Variants in UBE2W observed in about 807,000 individuals in gnomAD.
UBE2W encodes ubiquitin-conjugating enzyme E2 W.
Under a neutral mutation model 27.2 loss-of-function variants are expected in UBE2W, and 18 were observed. That is an observed-to-expected ratio of 0.66 (90% CI 0.46 to 0.98). The LOEUF is 0.98. UBE2W is among the 50% of genes least tolerant of loss of function. The pLI is 0.00. For synonymous variants in UBE2W, 53 were observed against 57.2 expected (o/e 0.93, Z 0.33); for missense variants, 90 against 180.2 (o/e 0.50, Z 2.87).
chr8:73,831,121 A>G, intron 1 of UBE2W: 1 of 364,578 alleles, frequency 2.7e-6, no homozygotes, highest in East Asian at 8.1e-5. Context: ...TAAACCAGTA[A>G]ATACATCTAT....
At chr8:73,866,286 AAAAAATATATATATAT>A (rs1323028306) in intron 1 of UBE2W, among the ~76,000 whole-genome samples, 1 of 89,770 alleles carries the variant, frequency 1.1e-5, no homozygotes, top group Non-Finnish European at 2.3e-5. Flanking sequence ...AAAAAAAAAA[AAAAAATATATATATAT>A]ATATATATAT....
Position 73,793,076 on chromosome 8 carries a change from A to G in UBE2W, c.*1026T>C, listed in dbSNP as rs531880340. On this transcript the variant is annotated 3_prime_UTR_variant, in exon 6 of 6. Coordinates refer to ENST00000602593, the MANE Select transcript of UBE2W (RefSeq NM_018299.6). ...GAAAAAACTTAACAAAAGTTTCAAT[A>G]AAAGTATTGTAACATTCAAACTTGA... is the stretch of plus-strand genomic sequence containing the variant. 274 of 985,656 alleles carry G rather than the reference A, an allele frequency of 2.8e-4. No individual in the cohort carries two copies. The highest frequency in any genetic ancestry group is 3.3e-4 in the Non-Finnish European group (270 of 829,716). The allele number at this position is 985,656 out of a possible 1,614,324, so 61.1% of individuals were successfully genotyped here.
chr8:73,834,318 T>C (rs1810217009), intron 1 of UBE2W, among the ~76,000 whole-genome samples: 1 of 152,234 alleles, frequency 6.6e-6, no homozygotes, highest in Admixed American at 6.5e-5. Flanking sequence ...AAATTTCTGT[T>C]TGAACAAGGT....
chr8:73,785,544 G>A (rs1261292682), downstream of UBE2W, among the ~76,000 whole-genome samples: 8 of 152,084 alleles, frequency 5.3e-5, no homozygotes, highest in African/African-American at 1.4e-4. Flanking sequence ...TGAACCCATC[G>A]CCCAGATAGC....
intron 3 of UBE2W, among the ~76,000 whole-genome samples, chr8:73,822,950 T>C (rs1251975285): frequency 6.6e-6 from 1 of 152,116 alleles, no homozygotes; most frequent in Non-Finnish European, 1.5e-5. Flanking sequence ...AAAAACAAAA[T>C]GTTCTTTGTT....
At chr8:73,853,316 A>G (rs1381375864) in intron 1 of UBE2W, among the ~76,000 whole-genome samples, 1 of 152,200 alleles carries the variant, frequency 6.6e-6, no homozygotes, top group African/African-American at 2.4e-5. Context: ...TTTATTTGGC[A>G]AAGTCTTAGT....
intron 5 of UBE2W, among the ~76,000 whole-genome samples, 179 bp downstream of exon 5, chr8:73,805,472 C>CAACAAAAAAA (rs1554579997): frequency 2.3e-5 from 1 of 43,676 alleles, no homozygotes; most frequent in Non-Finnish European, 5.0e-5. Context: ...AAAAAAAAAA[C>CAACAAAAAAA]AAAAAAAACT....
At chr8:73,841,126 T>C (rs1324372532) in intron 1 of UBE2W, among the ~76,000 whole-genome samples, 3 of 152,130 alleles carry the variant, frequency 2.0e-5, no homozygotes, top group Non-Finnish European at 4.4e-5. Context: ...AAGTTAAAAA[T>C]AGGAGGGTAT....
At chr8:73,875,506 A>T (rs564299560) in intron 1 of UBE2W, among the ~76,000 whole-genome samples, 1 of 151,872 alleles carries the variant, frequency 6.6e-6, no homozygotes, top group Non-Finnish European at 1.5e-5. Context: ...TTACCAAGTA[A>T]TGAAATCCCA....
At chr8:73,873,849 A>C (rs1386349134) in intron 1 of UBE2W, among the ~76,000 whole-genome samples, 2 of 152,208 alleles carry the variant, frequency 1.3e-5, no homozygotes, top group Non-Finnish European at 2.9e-5. Flanking sequence ...TCACAAGGGT[A>C]ATTCAACTGA....
chr8:73,829,575 A>AT (rs67006934), intron 2 of UBE2W, among the ~76,000 whole-genome samples: 8 of 148,184 alleles, frequency 5.4e-5, no homozygotes, highest in African/African-American at 2.0e-4. Flanking sequence ...TGTGTATTAC[A>AT]TTTTTTTTTT....
chr8:73,838,389 T>C (rs930367894), intron 1 of UBE2W, among the ~76,000 whole-genome samples: 3 of 152,140 alleles, frequency 2.0e-5, no homozygotes, highest in Non-Finnish European at 2.9e-5. Context: ...AATACCTTGG[T>C]TGAAAATCTC....
At chr8:73,795,650 A>G (rs977634407) in intron 5 of UBE2W, 3 of 405,526 alleles carry the variant, frequency 7.4e-6, no homozygotes, top group African/African-American at 4.3e-5. Context: ...CTCATAGAGT[A>G]TTCCATGATC....
At chr8:73,836,587 T>A (rs1350942722) in intron 1 of UBE2W, among the ~76,000 whole-genome samples, 1 of 152,128 alleles carries the variant, frequency 6.6e-6, no homozygotes, top group East Asian at 1.9e-4. Flanking sequence ...TGAAAGAAAA[T>A]GATTTAAAGA....
intron 1 of UBE2W, among the ~76,000 whole-genome samples, chr8:73,857,247 G>GA (rs573917424): frequency 1.1e-3 from 168 of 148,390 alleles, no homozygotes; most frequent in South Asian, 8.7e-3. Context: ...CAACAAGTAG[G>GA]AAAAAAAAAA....
downstream of UBE2W, among the ~76,000 whole-genome samples, chr8:73,783,298 G>T (rs1807875243): frequency 6.6e-6 from 1 of 152,080 alleles, no homozygotes; most frequent in Admixed American, 6.6e-5. Context: ...TCAAATCCAA[G>T]ACCTCAGATT....
intron 1 of UBE2W, among the ~76,000 whole-genome samples, chr8:73,833,184 C>CAAAAAAAAA (rs1202478660): frequency 3.2e-5 from 1 of 31,390 alleles, no homozygotes; most frequent in African/African-American, 1.2e-4. Flanking sequence ...GACTCCACCT[C>CAAAAAAAAA]AAAAAAAAAA....
intron 5 of UBE2W, among the ~76,000 whole-genome samples, chr8:73,804,693 T>A (rs1808795649): frequency 6.6e-6 from 1 of 152,090 alleles, no homozygotes; most frequent in South Asian, 2.1e-4. Context: ...AAAACTTCTA[T>A]TTCAAACAAC....
At chr8:73,831,251 T>TA in intron 1 of UBE2W, 2 of 303,484 alleles carry the variant, frequency 6.6e-6, no homozygotes, top group Non-Finnish European at 1.3e-5. Flanking sequence ...GGAAATTTTT[T>TA]AAAAAGATAT....
Sources: gnomAD v4.1 joint callset for allele counts (sites outside exome capture counted in the v4.1 genomes callset) on GRCh38, gnomAD v4.1.1 for gene constraint, MANE v1.5 for transcripts, NCBI Gene and HGNC (gene_info 2026-07-23, HGNC 2026-07-21) for gene names.